Variants in DPH6 observed in about 807,000 individuals in gnomAD.
The protein encoded by DPH6 is diphthamine biosynthesis 6.
Under a neutral mutation model 38.2 loss-of-function variants are expected in DPH6, and 33 were observed. The observed-to-expected ratio is 0.86, with a 90% CI of 0.65 to 1.15. The LOEUF is 1.15. Among genes scored for constraint, DPH6 ranks in the 50% most tolerant of loss-of-function variants. DPH6 has a pLI of 0.00. For synonymous variants in DPH6, 108 were observed against 103.0 expected (o/e 1.05, Z -0.30); for missense variants, 325 against 320.0 (o/e 1.02, Z -0.12).
intron 3 of DPH6, among the ~76,000 whole-genome samples, chr15:35,312,654 G>T (rs573426050): frequency 1.4e-4 from 21 of 152,084 alleles, no homozygotes; most frequent in Non-Finnish European, 2.9e-4. Context: ...GACAGGAGGG[G>T]AAAAAACCCA....
At chr15:35,527,077 C>T (rs1008575523) in intron 3 of DPH6, among the ~76,000 whole-genome samples, 3 of 152,116 alleles carry the variant, frequency 2.0e-5, no homozygotes, top group South Asian at 2.1e-4. Context: ...GTTTATCATT[C>T]GTTTTCTTCT....
intron 3 of DPH6, chr15:35,298,394 T>C: frequency 2.8e-6 from 2 of 721,188 alleles, no homozygotes; most frequent in South Asian, 1.3e-5. Context: ...AAAATATCCG[T>C]ACTGCTTCAT....
chr15:35,510,408 ATTTC>A (rs752755168), intron 3 of DPH6, among the ~76,000 whole-genome samples: 1 of 152,170 alleles, frequency 6.6e-6, no homozygotes, highest in African/African-American at 2.4e-5. Context: ...GAAATTATGG[ATTTC>A]TTTATTTAAA....
intron 3 of DPH6, among the ~76,000 whole-genome samples, chr15:35,515,854 T>C (rs1457507375): frequency 6.6e-6 from 1 of 151,892 alleles, no homozygotes; most frequent in East Asian, 1.9e-4. Flanking sequence ...ATTATGCTTG[T>C]AGCACTGCAC....
At chr15:35,268,207 A>G (rs2051796733) in intron 3 of DPH6, among the ~76,000 whole-genome samples, 1 of 150,536 alleles carries the variant, frequency 6.6e-6, no homozygotes, top group Non-Finnish European at 1.5e-5. Context: ...AAATAAATAA[A>G]TAAATAAATA....
intron 3 of DPH6, among the ~76,000 whole-genome samples, chr15:35,248,264 A>G: frequency 6.6e-6 from 1 of 152,214 alleles, no homozygotes; most frequent in East Asian, 1.9e-4. Flanking sequence ...TGGGTCATGG[A>G]AACCAGAACC....
intron 3 of DPH6, among the ~76,000 whole-genome samples, chr15:35,347,597 A>ACTAAATATTTGGACGAAATATTTG (rs375987019): frequency 1.3e-5 from 2 of 151,926 alleles, no homozygotes; most frequent in South Asian, 4.2e-4. Flanking sequence ...ATAAACTTGG[A>ACTAAATATTTGGACGAAATATTTG]GTCCAAATAT....
At chr15:35,497,184 G>C (rs1017506212) in intron 3 of DPH6, among the ~76,000 whole-genome samples, 6 of 152,158 alleles carry the variant, frequency 3.9e-5, no homozygotes, top group Non-Finnish European at 8.8e-5. Flanking sequence ...GCTCCAAGCA[G>C]ATGCTCACAA....
intron 3 of DPH6, chr15:35,298,254 T>A (rs1368286144): frequency 1.9e-6 from 1 of 539,542 alleles, no homozygotes; most frequent in East Asian, 4.8e-5. Context: ...AAATCAAACT[T>A]GTTCTGCCAA....
intron 3 of DPH6, among the ~76,000 whole-genome samples, chr15:35,310,409 C>T (rs1033285253): frequency 1.3e-5 from 2 of 152,122 alleles, no homozygotes; most frequent in Non-Finnish European, 2.9e-5. Flanking sequence ...TGGCTTCTCT[C>T]ATTTTACCTG....
intron 3 of DPH6, among the ~76,000 whole-genome samples, chr15:35,524,595 C>G (rs941631638): frequency 6.6e-6 from 1 of 152,176 alleles, no homozygotes; most frequent in Non-Finnish European, 1.5e-5. Flanking sequence ...TGTTCTACCA[C>G]TTTTTAGCTG....
chr15:35,440,528 G>C (rs1229826422), intron 5 of DPH6, among the ~76,000 whole-genome samples: 1 of 152,198 alleles, frequency 6.6e-6, no homozygotes, highest in Non-Finnish European at 1.5e-5. Context: ...ATCTGATTCT[G>C]TCTTCCCAAA....
intron 6 of DPH6, among the ~76,000 whole-genome samples, chr15:35,387,201 A>C (rs2052975684): frequency 6.6e-6 from 1 of 152,052 alleles, no homozygotes; most frequent in South Asian, 2.1e-4. Flanking sequence ...ATTGGTCTAT[A>C]TCTCTGTTTT....
At chr15:35,313,162 G>A (rs1442342011) in intron 3 of DPH6, among the ~76,000 whole-genome samples, 1 of 152,030 alleles carries the variant, frequency 6.6e-6, no homozygotes, top group Non-Finnish European at 1.5e-5. Flanking sequence ...GAACCTAGGA[G>A]GCAGAGGCTA....
At chr15:35,302,442 TAC>T (rs2052060676) in intron 3 of DPH6, among the ~76,000 whole-genome samples, 1 of 152,240 alleles carries the variant, frequency 6.6e-6, no homozygotes. Flanking sequence ...ATGCATGCCC[TAC>T]TCTTTTATCA....
intron 3 of DPH6, chr15:35,238,325 G>A: frequency 3.2e-6 from 1 of 313,518 alleles, no homozygotes; most frequent in Non-Finnish European, 6.0e-6. Flanking sequence ...GGAACAGTAT[G>A]GCAAGAACTA....
At chr15:35,368,342 G>A (rs2052678892), downstream of DPH6, among the ~76,000 whole-genome samples, 1 of 151,956 alleles carries the variant, frequency 6.6e-6, no homozygotes, top group African/African-American at 2.4e-5. Flanking sequence ...TGGACAGGCA[G>A]GGGAATCCTA....
intron 3 of DPH6, among the ~76,000 whole-genome samples, chr15:35,291,797 T>C (rs1001245574): frequency 6.6e-6 from 1 of 152,130 alleles, no homozygotes; most frequent in African/African-American, 2.4e-5. Flanking sequence ...TTAATGGAAA[T>C]TATATTGTCA....
chr15:35,494,516 A>C (rs1477803205), intron 3 of DPH6, among the ~76,000 whole-genome samples: 1 of 152,124 alleles, frequency 6.6e-6, no homozygotes. Flanking sequence ...AAACACCTGG[A>C]TCTTTAGAAT....
Sources: gnomAD v4.1 joint callset for allele counts (sites outside exome capture counted in the v4.1 genomes callset) on GRCh38, gnomAD v4.1.1 for gene constraint, MANE v1.5 for transcripts, NCBI Gene and HGNC (gene_info 2026-07-23, HGNC 2026-07-21) for gene names.